CASKIN1: variants seen among roughly 807,000 people sequenced by gnomAD.
The protein encoded by CASKIN1 is caskin-1.
Under a neutral mutation model 117.5 loss-of-function variants are expected in CASKIN1, and 42 were observed. The ratio of observed to expected loss-of-function variants is 0.36; its 90% confidence interval spans 0.28 to 0.46. The LOEUF is 0.46. CASKIN1 is among the 20% of genes least tolerant of loss of function. The pLI is 1.00. For missense variants in CASKIN1, 2,083 were observed against 2,077.3 expected (o/e 1.00, Z -0.05); for synonymous variants, 1,148 against 961.7 (o/e 1.19, Z -3.59).
chr16:2,190,496 C>T (rs574631398), intron 1 of CASKIN1, 138 bp from the exon 2 acceptor site: 3 of 751,252 alleles, frequency 4.0e-6, no homozygotes, highest in African/African-American at 3.5e-5. Context: ...CTCACTCGTC[C>T]ACTCGTGCAC....
rs750877643 is a variant in CASKIN1 at position 2,179,874 on chromosome 16, G to C, written c.3494C>G (p.Pro1165Arg). The change falls in exon 18 of 20, where the codon CCG (proline) becomes CGG (arginine). Residue 1165 changes from proline (P) to arginine (R), a missense_variant. Physicochemically the swap from Pro to Arg is moderately radical, Grantham distance 103 (BLOSUM62 -2). Coordinates refer to ENST00000343516, the MANE Select transcript of CASKIN1 (RefSeq NM_020764.4). This position sits in a 1 kb window ranked among gnomAD's most constrained non-coding sequence, Gnocchi z 5.8. ...KEREAGPEPPPPLSVYHNGTG... is the reference protein window; with the variant it reads ...KEREAGPEPPRPLSVYHNGTG... ...GCCATTATGGTACACGGACAGTGGC[G>C]GTGGTGGCTCAGGCCCGGCCTCCCG... 1 of 1,605,974 alleles carries C rather than the reference G, an allele frequency of 6.2e-7. No homozygotes were observed. The highest frequency in any genetic ancestry group is 1.7e-5 in the Admixed American group (1 of 59,592).
At position 2,190,062 on chromosome 16, in the gene CASKIN1, G is replaced by A; in HGVS notation, c.244+11C>T. On this transcript the variant is annotated intron_variant, in intron 3 of 19. Transcript: ENST00000343516. ...CCCCTGCCCCCACCAGAGGCCCTCG[G>A]CTAGTCTTGCCTTTGTTGTCCTTGA... 1 of 1,611,566 alleles carries A rather than the reference G, an allele frequency of 6.2e-7. No homozygotes were observed. The highest frequency in any genetic ancestry group is 8.5e-7 in the Non-Finnish European group (1 of 1,179,300).
chr16:2,192,988 A>T (rs2141329697), intron 1 of CASKIN1, among the ~76,000 whole-genome samples: 1 of 152,152 alleles, frequency 6.6e-6, no homozygotes, highest in Non-Finnish European at 1.5e-5. Context: ...ATGCCTGCGG[A>T]TGCTCTCCTG....
At chr16:2,193,031 A>G (rs565400160) in intron 1 of CASKIN1, among the ~76,000 whole-genome samples, 2 of 151,672 alleles carry the variant, frequency 1.3e-5, no homozygotes, top group Non-Finnish European at 2.9e-5. Flanking sequence ...CTTTTTTTTT[A>G]TTGGAGATGG....
In CASKIN1 at chr16:2,180,174, G is replaced by T. The variant is rs746424881; in HGVS notation, c.3194C>A (p.Thr1065Lys). 1.5e-5 allele frequency: 23 copies of T among 1,550,510 alleles called. No individual in the cohort carries two copies. The highest frequency in any genetic ancestry group is 2.0e-5 in the Non-Finnish European group (23 of 1,147,912). Residue 1065 changes from threonine to lysine, a missense_variant, in exon 18 of 20, where the codon ACG becomes AAG. Physicochemically the swap from Thr to Lys is moderately conservative, Grantham distance 78 (BLOSUM62 -1). Transcript: ENST00000343516. ...PGGEVVNRRR[T>K]LSGPVTGLLA... ...AAGTCCGGTGACTGGCCCGCTGAGC[G>T]TGCGGCGCCGGTTCACCACCTCCCC... is the stretch of plus-strand genomic sequence containing the variant.
In CASKIN1 at chr16:2,187,272, G is replaced by T. The variant is rs147847295; in HGVS notation, c.729C>A (p.Ser243Arg). The T allele has an allele frequency of 2.5e-6, 4 of 1,613,870 alleles. No individual in the cohort carries two copies. The highest frequency in any genetic ancestry group is 3.4e-6 in the Non-Finnish European group (4 of 1,179,970). ...KTEVVRLLLD[S>R]GINAHVRNTY... ...TGTTCCTCACGTGGGCATTGATCCC[G>T]CTCTGCACATGTGAGAGATGAGGCT... is the stretch of plus-strand genomic sequence containing the variant. The change falls in exon 8 of 20, where the codon AGC becomes AGA. Residue 243 changes from serine (S) to arginine (R), a missense_variant and splice_region_variant. This residue lies in a region of CASKIN1 where 203 missense variants were observed against 338.7 expected (regional missense o/e 0.60). Coordinates refer to ENST00000343516, the MANE Select transcript of CASKIN1 (RefSeq NM_020764.4).
chr16:2,193,015 CT>C (rs1176076069), intron 1 of CASKIN1, among the ~76,000 whole-genome samples: 1 of 152,008 alleles, frequency 6.6e-6, no homozygotes, highest in East Asian at 1.9e-4. Flanking sequence ...TCTCGAAATT[CT>C]TTTTCTTTTT....
intron 8 of CASKIN1, 36 bp downstream of exon 8, chr16:2,187,129 GC>G: frequency 6.2e-7 from 1 of 1,612,732 alleles, no homozygotes. Flanking sequence ...CCCAGCCCCA[GC>G]CCCAGCCACT....
rs751291677 is a variant in CASKIN1, at chr16:2,189,479, G to T, written c.330C>A (p.Ile110=). Residue 110 remains isoleucine (I), a synonymous_variant, in exon 4 of 20, where the codon ATC becomes ATA. Transcript: ENST00000343516. ...LVLKAGSAVN[I]PSDEGHIPLH... ...GGGGGATGTGGCCCTCATCAGACGG[G>T]ATGTTCACGGCCGAGCCCGCCTTCA... 1.9e-6 allele frequency: 3 copies of T among 1,612,244 alleles called. No homozygotes were observed. The Admixed American group carries it at 5.0e-5, about 27-fold the overall frequency.
chr16:2,181,246 C>G lies in CASKIN1; in HGVS notation c.2122G>C (p.Glu708Gln). The G allele has an allele frequency of 6.3e-7, 1 of 1,598,174 alleles. No homozygotes were observed. Residue 708 changes from glutamate (E) to glutamine (Q), a missense_variant, in exon 18 of 20, where the codon GAG (glutamate) becomes CAG (glutamine). By Grantham distance (29) the Glu-to-Gln change is conservative. Coordinates refer to ENST00000343516, the MANE Select transcript of CASKIN1 (RefSeq NM_020764.4). ...CCAGGGGGCCCATCTCCCAGCAGCT[C>G]CTGCGAGCTGCTCATGTGCCGTGCC... ...GRARHMSSSQ[E>Q]LLGDGPPGPS... is the part of the protein sequence containing the mutation.
intron 16 of CASKIN1, among the ~76,000 whole-genome samples, chr16:2,183,198 C>A (rs890443247): frequency 6.6e-6 from 1 of 152,214 alleles, no homozygotes; most frequent in African/African-American, 2.4e-5. Flanking sequence ...TGCACGCACA[C>A]AAGCTGGTGG....
rs767186516 is a variant in CASKIN1 at position 2,184,876 on chromosome 16, C to T, written c.1325-8G>A. 12 of 1,574,492 alleles carry T rather than the reference C, an allele frequency of 7.6e-6. No homozygotes were observed. Among genetic ancestry groups the T allele is most frequent in the South Asian group, 2.3e-5 (2 of 87,528 alleles). ...GCTGGGACCGGGCCACACCTGAGGA[C>T]GAGAGTGGGTGGGGGACAAGGGCTG... On this transcript the variant is annotated splice_polypyrimidine_tract_variant and splice_region_variant and intron_variant, in intron 13 of 19. Coordinates refer to ENST00000343516, the MANE Select transcript of CASKIN1 (RefSeq NM_020764.4).
chr16:2,180,331 T>C lies in CASKIN1; in HGVS notation c.3037A>G (p.Ile1013Val), dbSNP rs1159745944. 28 of 1,597,456 alleles carry C rather than the reference T, an allele frequency of 1.8e-5. No homozygotes were observed. In the East Asian group the frequency reaches 5.8e-4, roughly 33 times the overall value. The change falls in exon 18 of 20, where the codon ATT (isoleucine) becomes GTT (valine). Residue 1013 changes from isoleucine (I) to valine (V), a missense_variant. Physicochemically the swap from Ile to Val is conservative, Grantham distance 29 (BLOSUM62 3). Transcript: ENST00000343516. ...SIAAMLELSS[I>V]GGGGRAARRP... ...CGGGCAGCCCGGCCCCCACCCCCAATGGAGGACAGCTCCAGCATGGCCGCG... is the reference window on the plus strand; with the variant it reads ...CGGGCAGCCCGGCCCCCACCCCCAACGGAGGACAGCTCCAGCATGGCCGCG...
In CASKIN1 at chr16:2,187,280, C is replaced by T. The variant is rs1251723972; in HGVS notation, c.727-6G>A. On this transcript the variant is annotated splice_polypyrimidine_tract_variant and splice_region_variant and intron_variant, in intron 7 of 19. Coordinates refer to ENST00000343516, the MANE Select transcript of CASKIN1 (RefSeq NM_020764.4). ...ACGTGGGCATTGATCCCGCTCTGCA[C>T]ATGTGAGAGATGAGGCTCTGTCAGG... 1 of 1,613,990 alleles carries T rather than the reference C, an allele frequency of 6.2e-7. No homozygotes were observed. Among genetic ancestry groups the T allele is most frequent in the Non-Finnish European group, 8.5e-7 (1 of 1,179,958 alleles).
chr16:2,178,413 G>A lies in CASKIN1; in HGVS notation c.*137C>T, dbSNP rs1224711704. 5 of 580,430 alleles carry A rather than the reference G, an allele frequency of 8.6e-6. No individual in the cohort carries two copies. The Admixed American group carries it at 1.3e-4, about 15-fold the overall frequency. 36.0% of individuals were successfully genotyped at this position (580,430 alleles called of 1,614,324 possible). ...CGGTCCCCGGTGGGCGCCCCGGCCCGGGTCCAGGGGCCGGAGTTGTGCTTC... is the reference window on the plus strand; with the variant it reads ...CGGTCCCCGGTGGGCGCCCCGGCCCAGGTCCAGGGGCCGGAGTTGTGCTTC... On this transcript the variant is annotated 3_prime_UTR_variant, in exon 20 of 20. Transcript: ENST00000343516.
intron 6 of CASKIN1, 163 bp downstream of exon 6, chr16:2,188,864 C>CCTGT (rs2093192594): frequency 1.0e-6 from 1 of 993,398 alleles, no homozygotes; most frequent in Non-Finnish European, 1.5e-6. Flanking sequence ...TGCAGCTCAT[C>CCTGT]CTGTACATGG....
In CASKIN1 at chr16:2,178,193, C is replaced by G; in HGVS notation, c.*357G>C. The G allele has an allele frequency of 2.2e-6, 1 of 446,452 alleles. No homozygotes were observed. The highest frequency in any genetic ancestry group is 1.8e-5 in the South Asian group (1 of 54,880). 27.7% of individuals were successfully genotyped at this position (446,452 alleles called of 1,614,324 possible). A position where few individuals can be genotyped will look rare whatever the true frequency, so the allele number is the denominator to read the frequency against. On this transcript the variant is annotated 3_prime_UTR_variant, in exon 20 of 20. Transcript: ENST00000343516. ...TGGTCCCCTGTCCCTTGTGCTGCGC[C>G]CGAGCGGCTGGCCGGGCGTCCCGAT...
In CASKIN1 at chr16:2,179,826, G is replaced by A. The variant is rs770570855; in HGVS notation, c.3542C>T (p.Pro1181Leu). 1.3e-6 allele frequency: 2 copies of A among 1,595,234 alleles called. No homozygotes were observed. The highest frequency in any genetic ancestry group is 1.1e-5 in the South Asian group (1 of 88,948). Residue 1181 changes from proline to leucine, a missense_variant, in exon 18 of 20, where the codon CCG (proline) becomes CTG (leucine). Pro to Leu is a moderately conservative substitution (Grantham distance 98). Coordinates refer to ENST00000343516, the MANE Select transcript of CASKIN1 (RefSeq NM_020764.4). This position sits in a 1 kb window ranked among gnomAD's most constrained non-coding sequence, Gnocchi z 5.8. The part of the protein sequence containing the change: ...HNGTGTVRRR[P>L]ASEQAGPPEL... ...CGGAGGCCCAGCCTGCTCCGAGGCC[G>A]GTCGGCGGCGCACGGTGCCAGTGCC...
chr16:2,178,813 TCTCTGCCGAGCCCCGCCC>T (rs2141307407), intron 19 of CASKIN1, 71 bp downstream of exon 19: 1 of 1,294,816 alleles, frequency 7.7e-7, no homozygotes, highest in African/African-American at 1.7e-5. Flanking sequence ...GCCCCGCCCA[TCTCTGCCGAGCCCCGCCC>T]ATCTCTGCCG....
Sources: allele counts gnomAD v4.1 joint callset (sites outside exome capture counted in the v4.1 genomes callset), GRCh38; gene constraint gnomAD v4.1.1; regional missense constraint gnomAD v4.1.1; non-coding constraint Gnocchi (gnomAD v3.1); transcripts MANE v1.5; gene names NCBI Gene and HGNC (gene_info 2026-07-23, HGNC 2026-07-21).